Variants in APPL2 observed in about 807,000 individuals in gnomAD.
The protein encoded by APPL2 is adaptor protein, phosphotyrosine interacting with PH domain and leucine zipper 2.
APPL2 carries 84 observed loss-of-function variants against 92.7 expected under a neutral mutation model. That is an observed-to-expected ratio of 0.91 (90% confidence interval 0.76 to 1.09). The LOEUF is 1.09. Ranked by LOEUF, APPL2 falls within the 50% of genes least tolerant of loss-of-function variation. The pLI is 0.00. For synonymous variants in APPL2, 291 were observed against 291.0 expected (o/e 1.00, Z 0.00); for missense variants, 736 against 824.5 (o/e 0.89, Z 1.31).
intron 1 of APPL2, among the ~76,000 whole-genome samples, chr12:105,230,111 T>A (rs565356443): frequency 6.6e-6 from 1 of 152,234 alleles, no homozygotes; most frequent in East Asian, 1.9e-4. Context: ...TATTCAACCA[T>A]TTTCAAACTC....
intron 2 of APPL2, among the ~76,000 whole-genome samples, chr12:105,228,156 A>G (rs1890662197): frequency 6.6e-6 from 1 of 152,238 alleles, no homozygotes; most frequent in Admixed American, 6.5e-5. Flanking sequence ...GACTATATAT[A>G]TTAGTAAGAG....
At chr12:105,230,466 A>T (rs991927500) in intron 1 of APPL2, among the ~76,000 whole-genome samples, 18 of 152,246 alleles carry the variant, frequency 1.2e-4, no homozygotes, top group African/African-American at 3.9e-4. Context: ...CACAACTTCA[A>T]AATATAACCC....
intron 11 of APPL2, among the ~76,000 whole-genome samples, chr12:105,196,236 T>C (rs1361349938): frequency 1.3e-5 from 2 of 151,758 alleles, no homozygotes; most frequent in African/African-American, 2.4e-5. Flanking sequence ...TACAGTGAGA[T>C]CCACCTGTTG....
At chr12:105,189,686 T>C in intron 16 of APPL2, 86 bp downstream of exon 16, 1 of 1,411,750 alleles carries the variant, frequency 7.1e-7, no homozygotes, top group South Asian at 1.2e-5. Flanking sequence ...ATCATAGCTC[T>C]CTAAAACATG....
Position 105,174,171 on chromosome 12 carries a change from A to G in APPL2, c.*143T>C. The G allele has an allele frequency of 1.0e-6, 1 of 973,808 alleles. No individual in the cohort carries two copies. Among genetic ancestry groups the G allele is most frequent in the East Asian group, 2.8e-5 (1 of 36,344 alleles). The allele number at this position is 973,808 out of a possible 1,614,324, so 60.3% of individuals were successfully genotyped here. ...TTTCTTAGTTTCCCTCCCAAGTCTC[A>G]GTATCAAGGCATCAAGATTACATTC... On this transcript the variant is annotated 3_prime_UTR_variant, in exon 21 of 21. Transcript: ENST00000258530.
chr12:105,224,793 A>G (rs1326886150), intron 2 of APPL2, among the ~76,000 whole-genome samples: 1 of 152,202 alleles, frequency 6.6e-6, no homozygotes, highest in African/African-American at 2.4e-5. Context: ...ACACTCCTGG[A>G]TGCTCACTAC....
Position 105,229,109 on chromosome 12 carries a change from A to AG in APPL2, c.153+15dup. ...ATGCCCACTCTGCGGTATCCAGGTGAGGGGTGGCAGCATACCTGGGCTCCA... is the reference window on the plus strand; with the variant it reads ...ATGCCCACTCTGCGGTATCCAGGTGAGGGGGTGGCAGCATACCTGGGCTCCA... On this transcript the variant is annotated intron_variant, in intron 2 of 20. Coordinates refer to ENST00000258530, the MANE Select transcript of APPL2 (RefSeq NM_018171.5). 6.2e-7 allele frequency: 1 copy of AG among 1,603,666 alleles called. No individual in the cohort carries two copies. Among genetic ancestry groups the AG allele is most frequent in the Non-Finnish European group, 8.5e-7 (1 of 1,173,562 alleles).
chr12:105,235,681 C>G (rs1038460633), intron 1 of APPL2, among the ~76,000 whole-genome samples: 2 of 152,170 alleles, frequency 1.3e-5, no homozygotes, highest in African/African-American at 4.8e-5. Context: ...AAGTTTAGAT[C>G]TCGCAGACTC....
intron 9 of APPL2, among the ~76,000 whole-genome samples, chr12:105,203,040 C>T (rs1267159705): frequency 8.5e-6 from 1 of 118,278 alleles, no homozygotes; most frequent in Non-Finnish European, 2.0e-5. Context: ...CACACACACA[C>T]ACACACACAC....
intron 4 of APPL2, 51 bp from the exon 5 acceptor site, chr12:105,211,368 G>T: frequency 1.5e-6 from 2 of 1,325,798 alleles, no homozygotes; most frequent in South Asian, 2.4e-5. Flanking sequence ...TATTATTATT[G>T]ACATAGTCTC....
At chr12:105,198,186 C>T (rs561332290) in intron 10 of APPL2, among the ~76,000 whole-genome samples, 3 of 152,064 alleles carry the variant, frequency 2.0e-5, no homozygotes, top group Non-Finnish European at 2.9e-5. Context: ...GTCCCAGGGC[C>T]GACTCCCCGC....
intron 4 of APPL2, among the ~76,000 whole-genome samples, chr12:105,211,555 G>A (rs909833718): frequency 6.6e-6 from 1 of 152,188 alleles, no homozygotes; most frequent in African/African-American, 2.4e-5. Flanking sequence ...CAGAGTGTCT[G>A]GGCCCACAGT....
chr12:105,227,271 G>A lies in APPL2; in HGVS notation c.153+1854C>T, dbSNP rs541929283. Among the ~76,000 whole-genome samples the A allele has an allele frequency of 3.9e-5, 6 of 152,218 alleles. No individual in the cohort carries two copies. In the South Asian group the frequency reaches 1.2e-3, roughly 32 times the overall value. ...CCCGTCTTGGTCTCCCAAGTGCTGG[G>A]ATTACAGGCCAGCCCAAAGCTAGTT... On this transcript the variant is annotated intron_variant, in intron 2 of 20. Coordinates refer to ENST00000258530, the MANE Select transcript of APPL2 (RefSeq NM_018171.5).
intron 2 of APPL2, among the ~76,000 whole-genome samples, chr12:105,226,229 A>C (rs1380292482): frequency 1.3e-5 from 2 of 152,226 alleles, no homozygotes; most frequent in African/African-American, 4.8e-5. Context: ...AAACAAAACG[A>C]AACACCTAAG....
At position 105,213,636 on chromosome 12, in the gene APPL2, G is replaced by A. The variant is rs187754111; in HGVS notation, c.286-2319C>T. On this transcript the variant is annotated intron_variant, in intron 4 of 20. Coordinates refer to ENST00000258530, the MANE Select transcript of APPL2 (RefSeq NM_018171.5). ...ATAACATGGAAGATCTCATTCCAACGCATTCTATCAGGTGTAAGCCACATA... is the reference window on the plus strand; with the variant it reads ...ATAACATGGAAGATCTCATTCCAACACATTCTATCAGGTGTAAGCCACATA... 7.9e-5 allele frequency among the ~76,000 whole-genome samples: 12 copies of A among 152,290 alleles called. No homozygotes were observed. In the East Asian group the frequency reaches 9.6e-4, roughly 12 times the overall value.
At chr12:105,230,256 G>A (rs1294307172) in intron 1 of APPL2, among the ~76,000 whole-genome samples, 2 of 152,144 alleles carry the variant, frequency 1.3e-5, no homozygotes, top group Non-Finnish European at 2.9e-5. Context: ...GAGCAGCTGA[G>A]CAAAGTCATA....
intron 2 of APPL2, among the ~76,000 whole-genome samples, chr12:105,227,358 G>A (rs182976995): frequency 2.4e-4 from 36 of 152,194 alleles, no homozygotes; most frequent in African/African-American, 8.4e-4. Flanking sequence ...CTCCAGCCCT[G>A]TACTCTGGAT....
chr12:105,228,387 T>C (rs1251011134), intron 2 of APPL2, among the ~76,000 whole-genome samples: 1 of 150,642 alleles, frequency 6.6e-6, no homozygotes, highest in East Asian at 1.9e-4. Context: ...GATTTTCAAA[T>C]TTGGGATGCC....
chr12:105,187,177 G>T (rs934671420), intron 17 of APPL2, among the ~76,000 whole-genome samples: 2 of 152,154 alleles, frequency 1.3e-5, no homozygotes, highest in African/African-American at 4.8e-5. Flanking sequence ...CATAGTGAAA[G>T]AACAGGTTTT....
Sources: allele counts gnomAD v4.1 joint callset (sites outside exome capture counted in the v4.1 genomes callset), GRCh38; gene constraint gnomAD v4.1.1; transcripts MANE v1.5; gene names NCBI Gene and HGNC (gene_info 2026-07-23, HGNC 2026-07-21).